Variants in CELF2 observed in about 807,000 individuals in gnomAD.
CELF2 encodes CUGBP Elav-like family member 2.
Under a neutral mutation model 62.6 loss-of-function variants are expected in CELF2, and 8 were observed. The ratio of observed to expected loss-of-function variants is 0.13; its 90% CI spans 0.07 to 0.23. CELF2 has a LOEUF of 0.23. Ranked by LOEUF, CELF2 falls within the 10% of genes least tolerant of loss-of-function variation. The probability of loss-of-function intolerance (pLI) is 1.00; values close to 1 mark genes in which losing one functional copy is unlikely to be tolerated. For synonymous variants in CELF2, 258 were observed against 250.0 expected (o/e 1.03, Z -0.30); for missense variants, 333 against 671.0 (o/e 0.50, Z 5.56).
At chr10:10,463,484 T>G in the CELF2 span, among the ~76,000 whole-genome samples, 1 of 152,236 alleles carries the variant, frequency 6.6e-6, no homozygotes, top group African/African-American at 2.4e-5. Context: ...GAACTTCTGT[T>G]CTTTTTCTGC....
At chr10:10,748,477 G>A in the CELF2 span, among the ~76,000 whole-genome samples, 5 of 152,196 alleles carry the variant, frequency 3.3e-5, no homozygotes, top group Non-Finnish European at 5.9e-5. Context: ...GGTCTGGCGC[G>A]GTGGCTCACG....
At chr10:10,523,165 G>A in the CELF2 span, among the ~76,000 whole-genome samples, 1 of 152,188 alleles carries the variant, frequency 6.6e-6, no homozygotes, top group Non-Finnish European at 1.5e-5. Context: ...CAACCTACCA[G>A]ATTCTTACAA....
the CELF2 span, among the ~76,000 whole-genome samples, chr10:10,710,365 G>A: frequency 6.6e-6 from 1 of 152,136 alleles, no homozygotes; most frequent in Non-Finnish European, 1.5e-5. Flanking sequence ...TTAGTGTCTA[G>A]GCAAAAATTT....
the CELF2 span, among the ~76,000 whole-genome samples, chr10:10,666,585 G>GGTTTAACCTTTAGCCTATTTTCAGT: frequency 6.6e-5 from 9 of 137,066 alleles, no homozygotes; most frequent in South Asian, 2.9e-4. Flanking sequence ...GAAAGAGGCC[G>GGTTTAACCTTTAGCCTATTTTCAGT]GGCGCGGTGG....
At chr10:10,492,141 C>T in the CELF2 span, among the ~76,000 whole-genome samples, 1 of 152,202 alleles carries the variant, frequency 6.6e-6, no homozygotes, top group East Asian at 1.9e-4. Flanking sequence ...CATCATTAAG[C>T]ACTTGACTGT....
At chr10:10,914,388 C>G (rs558561237) in intron 1 of CELF2, among the ~76,000 whole-genome samples, 1 of 152,030 alleles carries the variant, frequency 6.6e-6, no homozygotes, top group African/African-American at 2.4e-5. Flanking sequence ...CAGGAGATGA[C>G]GAGGGAATGT....
the CELF2 span, among the ~76,000 whole-genome samples, chr10:10,490,092 GA>G: frequency 0.33 from 50,423 of 151,832 alleles, 9,070 homozygotes; most frequent in Admixed American, 0.42. Context: ...TGTCATGGGG[GA>G]AAAAATCACT....
chr10:10,951,245 G>A (rs1358487175), intron 2 of CELF2, among the ~76,000 whole-genome samples: 1 of 152,062 alleles, frequency 6.6e-6, no homozygotes, highest in Non-Finnish European at 1.5e-5. Context: ...TTGGGCTCAA[G>A]CCATCCTCCC....
At chr10:10,867,735 A>G (rs907563677) in intron 1 of CELF2, among the ~76,000 whole-genome samples, 2 of 152,190 alleles carry the variant, frequency 1.3e-5, no homozygotes, top group African/African-American at 2.4e-5. Flanking sequence ...CAATCCAGTC[A>G]TGTTCTTTGT....
intron 2 of CELF2, among the ~76,000 whole-genome samples, chr10:11,183,555 T>C (rs920776008): frequency 2.6e-5 from 4 of 152,254 alleles, no homozygotes; most frequent in African/African-American, 7.2e-5. Flanking sequence ...TTTACATTCC[T>C]ACCAGCAATA....
In CELF2 at chr10:10,972,666, T is replaced by A. The variant is rs923220308; in HGVS notation, c.89+52667T>A. ...TTGCTGTGTCCTTCAGGTGCACATA[T>A]CCAGTTTTCTCCTCTGCCTCCTCAC... On this transcript the variant is annotated intron_variant, in intron 2 of 13. Coordinates refer to the CELF2 transcript ENST00000636488. This position sits in a 1 kb window ranked among gnomAD's most constrained non-coding sequence, Gnocchi z 4.4. 9.2e-5 allele frequency among the ~76,000 whole-genome samples: 14 copies of A among 152,300 alleles called. No homozygotes were observed. Among genetic ancestry groups the A allele is most frequent in the Admixed American group, 9.2e-4 (14 of 15,288 alleles).
In CELF2 at chr10:10,983,317, G is replaced by A. The variant is rs1371117837; in HGVS notation, c.89+63318G>A. ...GTAAAACTAGCTGAGGGTGCTTGGG[G>A]GTAGGGTATTCAGTTAGTAACCTGT... On this transcript the variant is annotated intron_variant, in intron 2 of 13. Transcript: ENST00000636488. The surrounding 1 kb of genome is among the most constrained non-coding windows in gnomAD (Gnocchi z 5.2). Among the ~76,000 whole-genome samples, 1 of 152,026 alleles carries A rather than the reference G, an allele frequency of 6.6e-6. No individual in the cohort carries two copies. Among genetic ancestry groups the A allele is most frequent in the Non-Finnish European group, 1.5e-5 (1 of 68,008 alleles).
chr10:10,604,307 G>A, the CELF2 span, among the ~76,000 whole-genome samples: 1 of 152,168 alleles, frequency 6.6e-6, no homozygotes, highest in Non-Finnish European at 1.5e-5. Context: ...GGTTCACTGG[G>A]AATTAATGAA....
chr10:10,683,760 G>A, the CELF2 span, among the ~76,000 whole-genome samples: 3 of 152,116 alleles, frequency 2.0e-5, no homozygotes, highest in South Asian at 2.1e-4. Context: ...AAAAACTTAC[G>A]ATTTCATTGC....
chr10:11,072,629 C>T (rs2070467311), intron 1 of CELF2, among the ~76,000 whole-genome samples: 1 of 152,188 alleles, frequency 6.6e-6, no homozygotes, highest in African/African-American at 2.4e-5. Context: ...CTGATCTTCA[C>T]TCCTTCTGAA....
chr10:11,323,921 CT>C (rs35018494), intron 11 of CELF2, among the ~76,000 whole-genome samples: 36,273 of 146,024 alleles, frequency 0.25, 5,337 homozygotes, highest in African/African-American at 0.41. Flanking sequence ...CATATGAAAT[CT>C]TTTTTTTTTT....
At chr10:10,953,874 G>C (rs1193619789) in intron 2 of CELF2, among the ~76,000 whole-genome samples, 1 of 151,094 alleles carries the variant, frequency 6.6e-6, no homozygotes, top group Non-Finnish European at 1.5e-5. Context: ...TATTTCATAG[G>C]CCTGCTATTG....
At chr10:10,693,519 G>C in the CELF2 span, among the ~76,000 whole-genome samples, 1 of 151,730 alleles carries the variant, frequency 6.6e-6, no homozygotes, top group African/African-American at 2.4e-5. Context: ...AATGATGCTG[G>C]CCTCATAAAA....
rs549978785 is a variant in CELF2 at position 11,244,152 on chromosome 10, C to T, written c.355-5001C>T. ...AGCAGTTGAGAAGCAACAGTTCTGACCCCACTCATTTCATCATTAGCTCTT... is the reference window on the plus strand; with the variant it reads ...AGCAGTTGAGAAGCAACAGTTCTGATCCCACTCATTTCATCATTAGCTCTT... On this transcript the variant is annotated intron_variant, in intron 3 of 12. Coordinates refer to ENST00000633077, the MANE Select transcript of CELF2 (RefSeq NM_001326342.2). This position sits in a 1 kb window ranked among gnomAD's most constrained non-coding sequence, Gnocchi z 4.2. Among the ~76,000 whole-genome samples, 1 of 152,338 alleles carries T rather than the reference C, an allele frequency of 6.6e-6. No individual in the cohort carries two copies. The highest frequency in any genetic ancestry group is 2.4e-5 in the African/African-American group (1 of 41,572).
Sources: allele counts gnomAD v4.1 joint callset (sites outside exome capture counted in the v4.1 genomes callset), GRCh38; gene constraint gnomAD v4.1.1; non-coding constraint Gnocchi (gnomAD v3.1); transcripts MANE v1.5; gene names NCBI Gene and HGNC (gene_info 2026-07-23, HGNC 2026-07-21).